Variants in CAPN8 observed in about 807,000 individuals in gnomAD.
The protein encoded by CAPN8 is calpain-8.
Under a neutral mutation model 80.9 loss-of-function variants are expected in CAPN8, and 87 were observed. That is an observed-to-expected ratio of 1.07 (90% CI 0.90 to 1.28). The LOEUF (loss-of-function observed/expected upper bound fraction) is 1.28. Among genes scored for constraint, CAPN8 ranks in the 50% most tolerant of loss-of-function variants. The probability of loss-of-function intolerance (pLI) is 0.00; values close to 1 mark genes in which losing one functional copy is unlikely to be tolerated. For synonymous variants in CAPN8, 299 were observed against 273.8 expected (o/e 1.09, Z -0.91); for missense variants, 757 against 702.0 (o/e 1.08, Z -0.89).
chr1:223,641,438 G>C (rs1189073256), intron 2 of CAPN8, among the ~76,000 whole-genome samples: 1 of 151,198 alleles, frequency 6.6e-6, no homozygotes, highest in Admixed American at 6.6e-5. Context: ...TCCAATACCA[G>C]TTATCTGCAA....
rs1230057063 is a variant in CAPN8 at position 223,622,797 on chromosome 1, CG to C, written c.899+17del. ...GCAGAGGGAGAGATGACTGGAGAAG[CG>C]GGGGAAAAAAACCTACTCATCGCTC... On this transcript the variant is annotated intron_variant, in intron 7 of 20. Transcript: ENST00000366872. 33 of 1,544,984 alleles carry C rather than the reference CG, an allele frequency of 2.1e-5. No homozygotes were observed. The highest frequency in any genetic ancestry group is 1.8e-4 in the African/African-American group (13 of 72,882).
At chr1:223,659,019 A>G (rs1329594282) in intron 1 of CAPN8, among the ~76,000 whole-genome samples, 1 of 152,180 alleles carries the variant, frequency 6.6e-6, no homozygotes, top group Non-Finnish European at 1.5e-5. Flanking sequence ...ACCCTTTTTT[A>G]TCTTTCCTAA....
At chr1:223,661,752 T>C (rs550737312) in intron 1 of CAPN8, among the ~76,000 whole-genome samples, 1 of 152,216 alleles carries the variant, frequency 6.6e-6, no homozygotes, top group Admixed American at 6.5e-5. Flanking sequence ...AAAACAGCAC[T>C]GTGGTTCCTC....
Position 223,616,142 on chromosome 1 carries a change from G to A in CAPN8, c.1139C>T (p.Thr380Met), listed in dbSNP as rs765063568. 20 of 1,544,796 alleles carry A rather than the reference G, an allele frequency of 1.3e-5. No individual in the cohort carries two copies. Among genetic ancestry groups the A allele is most frequent in the Non-Finnish European group, 1.6e-5 (18 of 1,141,450 alleles). ...TAGGCQNYPA[T>M]YWTNPQFKIR... ...TTTGAACTGGGGATTGGTCCAGTAC[G>A]TGGCTGGAAGTCACCCAGGTGATGG... The change falls in exon 10 of 21, where the codon ACG becomes ATG. Residue 380 changes from threonine to methionine, a missense_variant. By Grantham distance (81) the Thr-to-Met change is moderately conservative. Transcript: ENST00000366872.
chr1:223,620,398 C>T (rs1657349648), intron 7 of CAPN8, 132 bp from the exon 8 acceptor site: 1 of 749,846 alleles, frequency 1.3e-6, no homozygotes, highest in Admixed American at 2.3e-5. Flanking sequence ...GACAGAAAGG[C>T]AGAATGGACA....
intron 10 of CAPN8, 54 bp from the exon 11 acceptor site, chr1:223,612,311 T>TTGGA (rs1657049031): frequency 8.1e-7 from 1 of 1,232,408 alleles, no homozygotes; most frequent in South Asian, 4.1e-5. Flanking sequence ...GTCCTCCTTC[T>TTGGA]GCTCCTTTTC....
intron 3 of CAPN8, among the ~76,000 whole-genome samples, chr1:223,628,347 A>C (rs1253674028): frequency 6.6e-6 from 1 of 152,194 alleles, no homozygotes; most frequent in African/African-American, 2.4e-5. Context: ...GCGTTTGTGC[A>C]TCAGAGAACT....
At chr1:223,652,583 A>T (rs1008614539) in intron 2 of CAPN8, among the ~76,000 whole-genome samples, 9 of 151,598 alleles carry the variant, frequency 5.9e-5, no homozygotes, top group African/African-American at 2.2e-4. Flanking sequence ...ACCAGCCCTG[A>T]CTCAGATCCC....
At chr1:223,621,715 G>A (rs1042614860) in intron 7 of CAPN8, among the ~76,000 whole-genome samples, 1 of 152,114 alleles carries the variant, frequency 6.6e-6, no homozygotes, top group Non-Finnish European at 1.5e-5. Context: ...TCATGATGCT[G>A]TGATTAAACT....
chr1:223,643,275 A>G (rs1278409246), intron 2 of CAPN8, among the ~76,000 whole-genome samples: 2 of 152,194 alleles, frequency 1.3e-5, no homozygotes, highest in Non-Finnish European at 2.9e-5. Flanking sequence ...CCCTCCGAAA[A>G]TGATCCTAAA....
At chr1:223,660,798 GC>G (rs1195190578) in intron 1 of CAPN8, among the ~76,000 whole-genome samples, 1 of 152,156 alleles carries the variant, frequency 6.6e-6, no homozygotes. Context: ...TGGACTTAAA[GC>G]CCCCAACACT....
chr1:223,551,743 G>A (rs1656791471), intron 14 of CAPN8, among the ~76,000 whole-genome samples: 1 of 152,202 alleles, frequency 6.6e-6, no homozygotes, highest in East Asian at 1.9e-4. Flanking sequence ...TTTGTAAACT[G>A]CTGAACACTG....
intron 2 of CAPN8, among the ~76,000 whole-genome samples, chr1:223,635,510 A>C (rs1657893585): frequency 6.6e-6 from 1 of 152,274 alleles, no homozygotes; most frequent in Admixed American, 6.5e-5. Flanking sequence ...GGAGGCAGAC[A>C]GTGGGCCTGG....
rs367606829 is a variant in CAPN8 at position 223,620,139 on chromosome 1, T to C, written c.974+53A>G. Reference sequence around the variant, plus strand: ...AGAGACCTAGAGTTCACATCAGAACTGAAAATGGACCCATCACCAATGGGA... The same window carrying C: ...AGAGACCTAGAGTTCACATCAGAACCGAAAATGGACCCATCACCAATGGGA... On this transcript the variant is annotated intron_variant, in intron 8 of 20. Coordinates refer to ENST00000366872, the MANE Select transcript of CAPN8 (RefSeq NM_001143962.2). 1.9e-4 allele frequency: 276 copies of C among 1,470,550 alleles called. No individual in the cohort carries two copies. In the African/African-American group the frequency reaches 3.4e-3, roughly 18 times the overall value. 91.1% of individuals were successfully genotyped at this position (1,470,550 alleles called of 1,614,324 possible).
intron 13 of CAPN8, among the ~76,000 whole-genome samples, chr1:223,555,067 G>A (rs1479683262): frequency 6.6e-6 from 1 of 152,198 alleles, no homozygotes; most frequent in African/African-American, 2.4e-5. Context: ...TGATGATGCT[G>A]TACTCATAAA....
chr1:223,640,139 T>G (rs150379461), intron 2 of CAPN8, among the ~76,000 whole-genome samples: 1 of 152,050 alleles, frequency 6.6e-6, no homozygotes, highest in Non-Finnish European at 1.5e-5. Context: ...TTTTTCACCC[T>G]CTGACCTACC....
chr1:223,652,924 C>G (rs1658380459), intron 2 of CAPN8, among the ~76,000 whole-genome samples: 2 of 152,016 alleles, frequency 1.3e-5, no homozygotes, highest in Non-Finnish European at 2.9e-5. Flanking sequence ...GCTCAGGCCG[C>G]TTTTTGGAAA....
At position 223,661,997 on chromosome 1, in the gene CAPN8, A is replaced by T. The variant is rs1010787331; in HGVS notation, c.237+3413T>A. On this transcript the variant is annotated intron_variant, in intron 1 of 20. Coordinates refer to ENST00000366872, the MANE Select transcript of CAPN8 (RefSeq NM_001143962.2). ...TACTATTCAACCTTTGAAAGGAAGG[A>T]AATTTTGACATATGCCACAACATGG... 2.2e-4 allele frequency among the ~76,000 whole-genome samples: 34 copies of T among 152,348 alleles called. 1 individual carries two copies. Among genetic ancestry groups the T allele is most frequent in the Middle Eastern group, 3.4e-3 (1 of 294 alleles).
intron 2 of CAPN8, among the ~76,000 whole-genome samples, chr1:223,651,727 C>T (rs1413511952): frequency 1.3e-5 from 2 of 152,192 alleles, no homozygotes; most frequent in African/African-American, 2.4e-5. Flanking sequence ...AGGATAAATC[C>T]GACAGAGTGT....
Sources: allele counts gnomAD v4.1 joint callset (sites outside exome capture counted in the v4.1 genomes callset), GRCh38; gene constraint gnomAD v4.1.1; transcripts MANE v1.5; gene names NCBI Gene and HGNC (gene_info 2026-07-23, HGNC 2026-07-21).